Variants in SERGEF observed in about 807,000 individuals in gnomAD.
SERGEF encodes the protein secretion regulating guanine nucleotide exchange factor, also known as secretion-regulating guanine nucleotide exchange factor.
In SERGEF, 51 loss-of-function variants were observed where a neutral mutation model predicts 50.0. The observed-to-expected ratio is 1.02, with a 90% CI of 0.81 to 1.29. SERGEF has a LOEUF of 1.29. Ranked by LOEUF, SERGEF falls within the 50% of genes most tolerant of loss-of-function variation. SERGEF has a pLI of 0.00. For missense variants in SERGEF, 521 were observed against 557.0 expected (o/e 0.94, Z 0.65); for synonymous variants, 205 against 212.4 (o/e 0.97, Z 0.30).
chr11:17,795,546 C>T lies in SERGEF; in HGVS notation c.1049-7133G>A, dbSNP rs190289349. Among the ~76,000 whole-genome samples the T allele has an allele frequency of 2.0e-4, 31 of 152,320 alleles. No individual in the cohort carries two copies. The East Asian group carries it at 5.8e-3, about 28-fold the overall frequency. On this transcript the variant is annotated intron_variant, in intron 10 of 10. Coordinates refer to ENST00000265965, the MANE Select transcript of SERGEF (RefSeq NM_012139.4). ...CAGCACCTATGAGACCAAGTCCAGGCCCCTTAGCTGGCTCCCAAGGCCCTG... is the reference window on the plus strand; with the variant it reads ...CAGCACCTATGAGACCAAGTCCAGGTCCCTTAGCTGGCTCCCAAGGCCCTG...
intron 9 of SERGEF, among the ~76,000 whole-genome samples, chr11:17,928,851 T>C (rs976773735): frequency 6.6e-6 from 1 of 152,204 alleles, no homozygotes; most frequent in Non-Finnish European, 1.5e-5. Flanking sequence ...CAGGCTATTC[T>C]AACCTTTTCC....
chr11:17,788,655 C>T (rs909292086), intron 10 of SERGEF, among the ~76,000 whole-genome samples: 1 of 152,156 alleles, frequency 6.6e-6, no homozygotes, highest in Admixed American at 6.5e-5. Flanking sequence ...ATGTTCCAAG[C>T]GTGGCTTTCC....
intron 10 of SERGEF, among the ~76,000 whole-genome samples, chr11:17,840,451 C>T (rs1046167683): frequency 5.3e-5 from 8 of 152,194 alleles, no homozygotes; most frequent in African/African-American, 1.9e-4. Context: ...GTCCAGCTCT[C>T]CTCTGCTGTT....
rs1258875152 is a variant in SERGEF, at chr11:17,916,009, G to C, written c.1012-37765C>G. On this transcript the variant is annotated intron_variant, in intron 9 of 10. Coordinates refer to ENST00000265965, the MANE Select transcript of SERGEF (RefSeq NM_012139.4). ...ACAAGTGGTTGGCCACACTGGCCTT[G>C]CTGTGGGCAAACAAACTGGCCTGAA... Among the ~76,000 whole-genome samples, 4 of 152,238 alleles carry C rather than the reference G, an allele frequency of 2.6e-5. No individual in the cohort carries two copies. The East Asian group carries it at 5.8e-4, about 22-fold the overall frequency.
intron 8 of SERGEF, among the ~76,000 whole-genome samples, chr11:17,977,466 C>T (rs2133986346): frequency 6.6e-6 from 1 of 152,220 alleles, no homozygotes; most frequent in East Asian, 1.9e-4. Flanking sequence ...GCCACCACTC[C>T]CTAACCTGCT....
intron 10 of SERGEF, among the ~76,000 whole-genome samples, chr11:17,826,971 T>C (rs1320147725): frequency 1.6e-5 from 1 of 63,630 alleles, no homozygotes; most frequent in Non-Finnish European, 3.5e-5. Context: ...GTGGTGAAGA[T>C]GGGATTTGAA....
chr11:17,926,222 T>C (rs1038230635), intron 9 of SERGEF, among the ~76,000 whole-genome samples: 1 of 152,012 alleles, frequency 6.6e-6, no homozygotes, highest in African/African-American at 2.4e-5. Context: ...TCAGGAGATA[T>C]CTAACGACAT....
At chr11:17,994,057 T>C (rs548245473) in intron 6 of SERGEF, among the ~76,000 whole-genome samples, 3 of 152,276 alleles carry the variant, frequency 2.0e-5, no homozygotes, top group Non-Finnish European at 2.9e-5. Context: ...TAGAGCAAAA[T>C]GACACACCGC....
chr11:17,924,906 T>G (rs909621398), intron 9 of SERGEF, among the ~76,000 whole-genome samples: 1 of 152,158 alleles, frequency 6.6e-6, no homozygotes, highest in Non-Finnish European at 1.5e-5. Flanking sequence ...GCTGAAAACT[T>G]TGACCGCATG....
intron 10 of SERGEF, among the ~76,000 whole-genome samples, chr11:17,861,718 T>G (rs1046404259): frequency 1.3e-5 from 2 of 152,264 alleles, no homozygotes; most frequent in African/African-American, 4.8e-5. Flanking sequence ...AGAAAAGGGC[T>G]GGCTTTGGCC....
At chr11:17,940,966 A>G (rs1852551979) in intron 9 of SERGEF, among the ~76,000 whole-genome samples, 1 of 152,208 alleles carries the variant, frequency 6.6e-6, no homozygotes, top group Admixed American at 6.5e-5. Context: ...AAACATTTTT[A>G]AACACACAGA....
At chr11:17,881,838 G>A (rs774773653) in intron 9 of SERGEF, among the ~76,000 whole-genome samples, 5 of 152,072 alleles carry the variant, frequency 3.3e-5, no homozygotes, top group Non-Finnish European at 7.4e-5. Context: ...GCACAAATCT[G>A]ACCATGTCAT....
chr11:17,858,658 CT>C (rs1850868758), intron 10 of SERGEF, among the ~76,000 whole-genome samples: 1 of 152,062 alleles, frequency 6.6e-6, no homozygotes, highest in Admixed American at 6.6e-5. Context: ...AGGAAAACCT[CT>C]GTATCAGTTA....
At position 17,988,693 on chromosome 11, in the gene SERGEF, A is replaced by G. The variant is rs61752914; in HGVS notation, c.748T>C (p.Phe250Leu). The change falls in exon 8 of 11, where the codon TTC (phenylalanine) becomes CTC (leucine). Residue 250 changes from phenylalanine to leucine, a missense_variant. Transcript: ENST00000265965. ...KHGQLANEAA[F>L]LPVPQKIEAH... The stretch of plus-strand genomic sequence containing the variant: ...TCTATTTTCTGGGGCACAGGAAGGA[A>G]AGCAGCCTCATTAGCCAGTTGCCCA... The G allele has an allele frequency of 1.0e-3, 1,623 of 1,614,138 alleles. 16 individuals carry two copies. The African/African-American group carries it at 0.019, about 19-fold the overall frequency.
At chr11:17,959,928 T>C (rs1015906491) in intron 8 of SERGEF, among the ~76,000 whole-genome samples, 2 of 152,256 alleles carry the variant, frequency 1.3e-5, no homozygotes, top group African/African-American at 4.8e-5. Flanking sequence ...GATATGAATA[T>C]GACTACGGAT....
At chr11:17,805,131 C>A (rs748091404) in intron 10 of SERGEF, among the ~76,000 whole-genome samples, 1 of 152,152 alleles carries the variant, frequency 6.6e-6, no homozygotes, top group African/African-American at 2.4e-5. Flanking sequence ...AGAGAAAATG[C>A]AAAATTTTCC....
At chr11:17,883,243 G>C (rs1321866277) in intron 9 of SERGEF, among the ~76,000 whole-genome samples, 1 of 152,226 alleles carries the variant, frequency 6.6e-6, no homozygotes, top group Non-Finnish European at 1.5e-5. Context: ...AGCTGGACCA[G>C]GGCAAGAGCT....
chr11:17,876,912 G>T (rs778975733), intron 10 of SERGEF, among the ~76,000 whole-genome samples: 2 of 152,228 alleles, frequency 1.3e-5, no homozygotes, highest in African/African-American at 4.8e-5. Context: ...TGCAAAGCAT[G>T]CAGGTTTGCT....
Position 17,815,436 on chromosome 11 carries a change from TA to T in SERGEF, c.1049-27024del, listed in dbSNP as rs763972184. 3.6e-3 allele frequency among the ~76,000 whole-genome samples: 393 copies of T among 108,356 alleles called. 1 individual carries two copies. Among genetic ancestry groups the T allele is most frequent in the Non-Finnish European group, 4.8e-3 (264 of 55,082 alleles). 71.1% of individuals were successfully genotyped at this position (108,356 alleles called of 152,430 possible). A position where few individuals can be genotyped will look rare whatever the true frequency, so the allele number is the denominator to read the frequency against. The stretch of plus-strand genomic sequence containing the variant: ...AAACATCGTGAAACCCCATCTCTAC[TA>T]AAAAAAAAAAAAAAAAAAAATACAA... On this transcript the variant is annotated intron_variant, in intron 10 of 10. Coordinates refer to ENST00000265965, the MANE Select transcript of SERGEF (RefSeq NM_012139.4).
Sources: gnomAD v4.1 joint callset for allele counts (sites outside exome capture counted in the v4.1 genomes callset) on GRCh38, gnomAD v4.1.1 for gene constraint, MANE v1.5 for transcripts, NCBI Gene and HGNC (gene_info 2026-07-23, HGNC 2026-07-21) for gene names.